The following EEF1AKMT1 variants were observed in gnomAD, a reference collection of about 807,000 sequenced individuals.
EEF1AKMT1 encodes N-6 adenine-specific DNA methyltransferase 2 (putative).
EEF1AKMT1 carries 18 observed loss-of-function variants against 21.0 expected under a neutral mutation model. That is an observed-to-expected ratio of 0.86 (90% CI 0.59 to 1.27). The LOEUF is 1.27. EEF1AKMT1 is among the 50% of genes most tolerant of loss of function. The probability of loss-of-function intolerance (pLI) is 0.00; values close to 1 mark genes in which losing one functional copy is unlikely to be tolerated. For missense variants in EEF1AKMT1, 246 were observed against 258.6 expected (o/e 0.95, Z 0.33); for synonymous variants, 109 against 94.8 (o/e 1.15, Z -0.87).
intron 1 of EEF1AKMT1, among the ~76,000 whole-genome samples, chr13:20,764,965 TA>T (rs1328535653): frequency 1.5e-4 from 22 of 147,212 alleles, no homozygotes; most frequent in Middle Eastern, 3.5e-3. Flanking sequence ...AGTTTTCGTC[TA>T]AAAAAAAAAT....
intron 2 of EEF1AKMT1, among the ~76,000 whole-genome samples, chr13:20,741,540 T>G (rs982662261): frequency 4.2e-5 from 6 of 143,348 alleles, no homozygotes; most frequent in African/African-American, 1.6e-4. Flanking sequence ...CACTGCAACC[T>G]CCATCTCCCG....
At position 20,749,051 on chromosome 13, in the gene EEF1AKMT1, T is replaced by C. The variant is rs1391325321; in HGVS notation, c.144+8404A>G. Among the ~76,000 whole-genome samples, 13 of 152,106 alleles carry C rather than the reference T, an allele frequency of 8.5e-5. 1 individual carries two copies. The highest frequency in any genetic ancestry group is 8.5e-4 in the Admixed American group (13 of 15,276). Reference sequence around the variant, plus strand: ...AGCCCCAATGTAGTTTTAAAGCAAGTTTTGGTTAGTTAGAATTAAGTGTCA... The same window carrying C: ...AGCCCCAATGTAGTTTTAAAGCAAGCTTTGGTTAGTTAGAATTAAGTGTCA... On this transcript the variant is annotated intron_variant, in intron 2 of 4. Transcript: ENST00000382758.
intron 3 of EEF1AKMT1, among the ~76,000 whole-genome samples, chr13:20,734,736 G>T (rs181433974): frequency 6.6e-6 from 1 of 152,222 alleles, no homozygotes; most frequent in East Asian, 1.9e-4. Context: ...ATCTTTAAAT[G>T]ATGACTTAGT....
intron 1 of EEF1AKMT1, among the ~76,000 whole-genome samples, chr13:20,761,095 CATTT>C (rs1470200791): frequency 6.6e-6 from 1 of 152,200 alleles, no homozygotes; most frequent in East Asian, 1.9e-4. Flanking sequence ...GTTTTACACA[CATTT>C]ATTTGCAGGC....
At chr13:20,739,446 G>A (rs529496240) in intron 2 of EEF1AKMT1, among the ~76,000 whole-genome samples, 2 of 152,306 alleles carry the variant, frequency 1.3e-5, no homozygotes, top group East Asian at 1.9e-4. Context: ...TGATTGGTCT[G>A]TTTTACAGAG....
intron 1 of EEF1AKMT1, among the ~76,000 whole-genome samples, chr13:20,770,545 G>A (rs943919049): frequency 3.9e-5 from 6 of 152,236 alleles, no homozygotes; most frequent in East Asian, 1.9e-4. Context: ...CCAACAGGCC[G>A]GAAAATTTCC....
intron 2 of EEF1AKMT1, among the ~76,000 whole-genome samples, chr13:20,749,146 C>T (rs73167419): frequency 0.093 from 14,173 of 152,064 alleles, 810 homozygotes; most frequent in Non-Finnish European, 0.13. Flanking sequence ...TTTTGTTTTT[C>T]CTAGAGTAAG....
intron 1 of EEF1AKMT1, among the ~76,000 whole-genome samples, chr13:20,760,894 C>A (rs1308382533): frequency 3.9e-5 from 6 of 152,150 alleles, no homozygotes; most frequent in Non-Finnish European, 7.3e-5. Flanking sequence ...TATTTTTCTA[C>A]ACCAATTCTC....
intron 4 of EEF1AKMT1, among the ~76,000 whole-genome samples, chr13:20,730,950 C>A (rs1456621596): frequency 6.6e-6 from 1 of 152,190 alleles, no homozygotes; most frequent in African/African-American, 2.4e-5. Flanking sequence ...GTCTGTAACA[C>A]ATACCGCAAG....
At chr13:20,747,011 G>T (rs1046148906) in intron 2 of EEF1AKMT1, 2 of 153,150 alleles carry the variant, frequency 1.3e-5, no homozygotes, top group Non-Finnish European at 2.9e-5. Flanking sequence ...CATAATAAAT[G>T]GGCACATTTG....
intron 3 of EEF1AKMT1, among the ~76,000 whole-genome samples, 159 bp from the exon 4 acceptor site, chr13:20,732,280 T>A (rs1005490158): frequency 6.6e-6 from 1 of 152,248 alleles, no homozygotes. Context: ...GAAAAAACTT[T>A]ATAGTGTCTC....
At chr13:20,754,885 G>A (rs547470439) in intron 2 of EEF1AKMT1, among the ~76,000 whole-genome samples, 60 of 146,282 alleles carry the variant, frequency 4.1e-4, no homozygotes, top group Non-Finnish European at 6.9e-4. Context: ...GTGGGACTCC[G>A]CCTCGGAGAA....
chr13:20,739,539 A>G (rs551832858), intron 2 of EEF1AKMT1, among the ~76,000 whole-genome samples: 13 of 152,204 alleles, frequency 8.5e-5, no homozygotes, highest in Admixed American at 2.6e-4. Flanking sequence ...CTTGAGCTAG[A>G]CACAGAGTGC....
intron 1 of EEF1AKMT1, among the ~76,000 whole-genome samples, chr13:20,765,405 G>GTTTTTTTTTTTTTTTTTTTTTTTTT (rs1171165259): frequency 1.7e-5 from 1 of 58,700 alleles, no homozygotes; most frequent in African/African-American, 7.3e-5. Context: ...CTTCCCTTGG[G>GTTTTTTTTTTTTTTTTTTTTTTTTT]TTTTTTTTTT....
chr13:20,766,451 A>T (rs2141439464), intron 1 of EEF1AKMT1, among the ~76,000 whole-genome samples: 1 of 152,316 alleles, frequency 6.6e-6, no homozygotes, highest in South Asian at 2.1e-4. Flanking sequence ...TAGCAGTGAA[A>T]ACATTTTATG....
chr13:20,762,794 G>T (rs997141070), intron 1 of EEF1AKMT1, among the ~76,000 whole-genome samples: 11 of 152,200 alleles, frequency 7.2e-5, no homozygotes, highest in Non-Finnish European at 1.3e-4. Flanking sequence ...GATTACAGGT[G>T]TGAGTCACTA....
chr13:20,761,902 GC>G (rs1009308326), intron 1 of EEF1AKMT1, among the ~76,000 whole-genome samples: 27 of 152,278 alleles, frequency 1.8e-4, no homozygotes, highest in Admixed American at 3.9e-4. Flanking sequence ...CCTAGGAGCA[GC>G]CTGGGCAATA....
intron 1 of EEF1AKMT1, among the ~76,000 whole-genome samples, chr13:20,767,470 G>A (rs1402835665): frequency 2.0e-5 from 3 of 151,884 alleles, no homozygotes; most frequent in African/African-American, 7.3e-5. Context: ...TAGAATTTGA[G>A]GTTGACAAGT....
chr13:20,759,488 G>A (rs1159389379), intron 1 of EEF1AKMT1, among the ~76,000 whole-genome samples: 2 of 152,082 alleles, frequency 1.3e-5, no homozygotes, highest in African/African-American at 4.8e-5. Flanking sequence ...GCTGAGGCAG[G>A]AGAATGGCGT....
Sources: allele counts gnomAD v4.1 joint callset (sites outside exome capture counted in the v4.1 genomes callset), GRCh38; gene constraint gnomAD v4.1.1; transcripts MANE v1.5; gene names NCBI Gene and HGNC (gene_info 2026-07-23, HGNC 2026-07-21).